NALF1: variants seen among roughly 807,000 people sequenced by gnomAD.
NALF1 encodes family with sequence similarity 155 member A.
NALF1 carries 3 observed loss-of-function variants against 48.4 expected under a neutral mutation model. The ratio of observed to expected loss-of-function variants is 0.06; its 90% confidence interval spans 0.03 to 0.16. NALF1 has a LOEUF of 0.16. NALF1 is among the 10% of genes least tolerant of loss of function. NALF1 has a pLI of 1.00. For synonymous variants in NALF1, 262 were observed against 245.7 expected (o/e 1.07, Z -0.62); for missense variants, 526 against 571.5 (o/e 0.92, Z 0.81).
intron 1 of NALF1, among the ~76,000 whole-genome samples, chr13:107,664,839 C>T (rs2138480355): frequency 6.6e-6 from 1 of 152,128 alleles, no homozygotes; most frequent in East Asian, 1.9e-4. Context: ...GCAGTTTTCC[C>T]AGGGTACCTT....
intron 1 of NALF1, among the ~76,000 whole-genome samples, chr13:107,405,450 T>C (rs1196133148): frequency 6.6e-6 from 1 of 152,044 alleles, no homozygotes; most frequent in South Asian, 2.1e-4. Context: ...GGCCTTTCTG[T>C]TGATTGATCC....
At chr13:107,364,053 T>C (rs865813072) in intron 1 of NALF1, among the ~76,000 whole-genome samples, 36 of 152,358 alleles carry the variant, frequency 2.4e-4, no homozygotes, top group South Asian at 6.2e-4. Context: ...AAAGTACTTA[T>C]GTTTTTAGTA....
intron 1 of NALF1, among the ~76,000 whole-genome samples, chr13:107,596,547 C>T (rs1313341494): frequency 2.0e-5 from 3 of 152,138 alleles, no homozygotes; most frequent in Non-Finnish European, 4.4e-5. Context: ...TGGAAACCAT[C>T]ACTCTCAGCA....
chr13:107,212,028 T>C (rs556023527), intron 1 of NALF1, among the ~76,000 whole-genome samples: 1 of 152,336 alleles, frequency 6.6e-6, no homozygotes, highest in East Asian at 1.9e-4. Flanking sequence ...CTAATAGTTA[T>C]CCTATATTTA....
At chr13:107,624,275 T>C (rs2138443152) in intron 1 of NALF1, among the ~76,000 whole-genome samples, 1 of 152,222 alleles carries the variant, frequency 6.6e-6, no homozygotes, top group East Asian at 1.9e-4. Flanking sequence ...GTGGTTTACA[T>C]AAAGGTTAAG....
chr13:107,172,342 A>T (rs1340295687), intron 2 of NALF1, among the ~76,000 whole-genome samples: 2 of 152,226 alleles, frequency 1.3e-5, no homozygotes, highest in East Asian at 3.8e-4. Context: ...AGCATAAACT[A>T]TACATTCTTA....
At chr13:107,357,903 G>A (rs116675233) in intron 1 of NALF1, among the ~76,000 whole-genome samples, 21 of 152,092 alleles carry the variant, frequency 1.4e-4, no homozygotes, top group African/African-American at 5.1e-4. Context: ...GGGTCATTGC[G>A]AGGCTCTCCA....
At chr13:107,705,441 T>C (rs1048291327) in intron 1 of NALF1, among the ~76,000 whole-genome samples, 1 of 152,176 alleles carries the variant, frequency 6.6e-6, no homozygotes, top group African/African-American at 2.4e-5. Context: ...CTTTTAGATA[T>C]ATTGGCAAAT....
At chr13:107,620,885 G>A (rs779102716) in intron 1 of NALF1, among the ~76,000 whole-genome samples, 2 of 152,170 alleles carry the variant, frequency 1.3e-5, no homozygotes, top group Non-Finnish European at 2.9e-5. Flanking sequence ...ATCACTATCC[G>A]TGGCTCTTTC....
chr13:107,308,104 C>G (rs1174606466), intron 1 of NALF1, among the ~76,000 whole-genome samples: 1 of 151,560 alleles, frequency 6.6e-6, no homozygotes, highest in African/African-American at 2.4e-5. Flanking sequence ...AAATACAGTG[C>G]TAATGGCATT....
chr13:107,242,662 C>T (rs1381831187), intron 1 of NALF1, among the ~76,000 whole-genome samples: 1 of 152,056 alleles, frequency 6.6e-6, no homozygotes, highest in Admixed American at 6.6e-5. Context: ...ATTACTTATG[C>T]CTTTTTGTTT....
At position 107,235,011 on chromosome 13, in the gene NALF1, C is replaced by T. The variant is rs543278095; in HGVS notation, c.916-24256G>A. ...TTAATGATTCTCATCTCAGATTCAT[C>T]CCCATTTAGCCTTCCTTTGGATAGG... On this transcript the variant is annotated intron_variant, in intron 1 of 2. Coordinates refer to ENST00000375915, the MANE Select transcript of NALF1 (RefSeq NM_001080396.3). 2.6e-4 allele frequency among the ~76,000 whole-genome samples: 39 copies of T among 152,288 alleles called. No homozygotes were observed. The South Asian group carries it at 8.1e-3, about 32-fold the overall frequency.
chr13:107,242,957 T>C (rs1479843925), intron 1 of NALF1, among the ~76,000 whole-genome samples: 1 of 152,108 alleles, frequency 6.6e-6, no homozygotes, highest in Non-Finnish European at 1.5e-5. Flanking sequence ...TTTACCACCA[T>C]GACAGTTTTA....
intron 1 of NALF1, among the ~76,000 whole-genome samples, chr13:107,484,465 T>C (rs1885297987): frequency 6.6e-6 from 1 of 152,156 alleles, no homozygotes; most frequent in Non-Finnish European, 1.5e-5. Context: ...GGGAAGAATA[T>C]ATGCTCTGAA....
In NALF1 at chr13:107,164,363, A is replaced by G. The variant is rs891352291; in HGVS notation, c.*6134T>C. On this transcript the variant is annotated 3_prime_UTR_variant, in exon 3 of 3. Coordinates refer to ENST00000375915, the MANE Select transcript of NALF1 (RefSeq NM_001080396.3). Reference sequence around the variant, plus strand: ...TTTTTCACTGTTATTTCATTCTATAATAATTATAGTGTTAATTAAAATATA... The same window carrying G: ...TTTTTCACTGTTATTTCATTCTATAGTAATTATAGTGTTAATTAAAATATA... 1.3e-4 allele frequency: 20 copies of G among 152,130 alleles called. No individual in the cohort carries two copies. The highest frequency in any genetic ancestry group is 1.3e-3 in the Admixed American group (20 of 15,280). 9.4% of individuals were successfully genotyped at this position (152,130 alleles called of 1,614,324 possible).
chr13:107,672,135 T>C (rs553749526), intron 1 of NALF1, among the ~76,000 whole-genome samples: 29 of 152,122 alleles, frequency 1.9e-4, no homozygotes, highest in Non-Finnish European at 4.1e-4. Flanking sequence ...ATTCATCAAT[T>C]AACACTCTGT....
intron 1 of NALF1, among the ~76,000 whole-genome samples, chr13:107,326,508 A>G (rs1882367514): frequency 6.6e-6 from 1 of 152,190 alleles, no homozygotes; most frequent in Non-Finnish European, 1.5e-5. Flanking sequence ...TCCCCATTTT[A>G]TAGCAATGAA....
intron 1 of NALF1, among the ~76,000 whole-genome samples, chr13:107,474,320 A>C (rs1010605835): frequency 6.6e-6 from 1 of 152,154 alleles, no homozygotes; most frequent in Non-Finnish European, 1.5e-5. Context: ...AGATAGAACT[A>C]TATTTCATAC....
rs1337558474 is a variant in NALF1, at chr13:107,170,535, T to A, written c.1339A>T (p.Ile447Phe). 1 of 1,608,998 alleles carries A rather than the reference T, an allele frequency of 6.2e-7. No individual in the cohort carries two copies. Among genetic ancestry groups the A allele is most frequent in the Non-Finnish European group, 8.5e-7 (1 of 1,175,992 alleles). The change falls in exon 3 of 3, where the codon ATC becomes TTC. Residue 447 changes from isoleucine to phenylalanine, a missense_variant. Ile to Phe is a conservative substitution (Grantham distance 21). This residue lies in a region of NALF1 where 153 missense variants were observed against 215.9 expected (regional missense o/e 0.71). Transcript: ENST00000375915. ...GTTGAGTTTTCTTCCAGCGTGTTGA[T>A]GCCTCCAAAGCTCAGTCCGGCTGTG... ...QNTAGLSFGG[I>F]NTLEENSTNE... is the part of the protein sequence containing the mutation.
Sources: allele counts gnomAD v4.1 joint callset (sites outside exome capture counted in the v4.1 genomes callset), GRCh38; gene constraint gnomAD v4.1.1; regional missense constraint gnomAD v4.1.1; transcripts MANE v1.5; gene names NCBI Gene and HGNC (gene_info 2026-07-23, HGNC 2026-07-21).